The following CNTNAP2 variants were observed in gnomAD, a reference collection of about 807,000 sequenced individuals.
CNTNAP2 encodes the protein contactin associated protein 2, also known as contactin-associated protein-like 2.
Under a neutral mutation model 155.2 loss-of-function variants are expected in CNTNAP2, and 98 were observed. The ratio of observed to expected loss-of-function variants is 0.63; its 90% CI spans 0.54 to 0.75. The LOEUF is 0.75. CNTNAP2 is among the 30% of genes least tolerant of loss of function. The pLI is 0.00. For missense variants in CNTNAP2, 1,727 were observed against 1,688.1 expected (o/e 1.02, Z -0.40); for synonymous variants, 651 against 631.2 (o/e 1.03, Z -0.47).
At chr7:147,822,131 C>T (rs851658) in intron 13 of CNTNAP2, among the ~76,000 whole-genome samples, 1 of 151,936 alleles carries the variant, frequency 6.6e-6, no homozygotes, top group African/African-American at 2.4e-5. Context: ...TCTATGGAGT[C>T]GTGGGTAGAG....
chr7:148,211,344 T>C (rs1795546129), intron 18 of CNTNAP2, among the ~76,000 whole-genome samples: 1 of 152,142 alleles, frequency 6.6e-6, no homozygotes, highest in South Asian at 2.1e-4. Flanking sequence ...AAGCAAATAT[T>C]AAAGGGTTTA....
chr7:148,217,256 C>T lies in CNTNAP2; in HGVS notation c.3011-32C>T, dbSNP rs753899194. 4 of 1,610,752 alleles carry T rather than the reference C, an allele frequency of 2.5e-6. No individual in the cohort carries two copies. The African/African-American group carries it at 4.0e-5, about 16-fold the overall frequency. On this transcript the variant is annotated intron_variant, in intron 18 of 23. Transcript: ENST00000361727. ...AGGGTATCGGCATCAGACCTCTCCT[C>T]ATTTTTCAATTCTCTCTCTCCTTTA... is the stretch of plus-strand genomic sequence containing the variant.
At chr7:146,719,975 G>C (rs776298702) in intron 1 of CNTNAP2, among the ~76,000 whole-genome samples, 24 of 152,182 alleles carry the variant, frequency 1.6e-4, no homozygotes, top group Non-Finnish European at 2.4e-4. Flanking sequence ...GAATACATTG[G>C]ACTGAATACA....
At chr7:147,093,430 G>T (rs372360049) in intron 4 of CNTNAP2, among the ~76,000 whole-genome samples, 1 of 151,954 alleles carries the variant, frequency 6.6e-6, no homozygotes, top group Non-Finnish European at 1.5e-5. Context: ...TTGTGTAAAG[G>T]TAAATAAATG....
intron 15 of CNTNAP2, among the ~76,000 whole-genome samples, chr7:148,063,218 G>A (rs369780752): frequency 1.3e-5 from 2 of 152,006 alleles, no homozygotes; most frequent in African/African-American, 4.8e-5. Flanking sequence ...ATCTGTCATT[G>A]ATATGTTTGC....
At chr7:146,148,317 G>A (rs536121114) in intron 1 of CNTNAP2, among the ~76,000 whole-genome samples, 101 of 152,176 alleles carry the variant, frequency 6.6e-4, no homozygotes, top group Admixed American at 6.4e-3. Flanking sequence ...AGAGCAAGTC[G>A]TCTAGCATCA....
At chr7:147,348,446 A>C in intron 9 of CNTNAP2, among the ~76,000 whole-genome samples, 1 of 152,152 alleles carries the variant, frequency 6.6e-6, no homozygotes, top group Middle Eastern at 3.4e-3. Flanking sequence ...AATCACAATA[A>C]GTTATCGCAC....
At chr7:146,343,632 TAAA>T (rs957088781) in intron 1 of CNTNAP2, among the ~76,000 whole-genome samples, 1 of 152,194 alleles carries the variant, frequency 6.6e-6, no homozygotes. Context: ...AATATGCTAT[TAAA>T]AATATGAATT....
At chr7:146,305,545 TC>T (rs1397197242) in intron 1 of CNTNAP2, among the ~76,000 whole-genome samples, 5 of 152,034 alleles carry the variant, frequency 3.3e-5, no homozygotes, top group African/African-American at 4.8e-5. Context: ...GGAGGTCCAC[TC>T]CATACCCTAT....
chr7:147,471,733 G>A (rs1006833442), intron 10 of CNTNAP2, among the ~76,000 whole-genome samples: 1 of 152,178 alleles, frequency 6.6e-6, no homozygotes, highest in Non-Finnish European at 1.5e-5. Flanking sequence ...CTAGGCAAGG[G>A]ATAAAGTGTG....
intron 4 of CNTNAP2, among the ~76,000 whole-genome samples, chr7:147,077,555 A>G (rs1800021681): frequency 6.6e-6 from 1 of 152,166 alleles, no homozygotes; most frequent in African/African-American, 2.4e-5. Flanking sequence ...CCAGTCTTTT[A>G]CCACTCTTGT....
intron 15 of CNTNAP2, chr7:148,056,534 A>G (rs1803013975): frequency 6.6e-6 from 1 of 152,240 alleles, no homozygotes; most frequent in South Asian, 2.1e-4. Context: ...AATCCCAAGT[A>G]GGAGTGAACC....
At chr7:146,814,867 T>C (rs966812034) in intron 2 of CNTNAP2, among the ~76,000 whole-genome samples, 6 of 152,178 alleles carry the variant, frequency 3.9e-5, no homozygotes, top group Non-Finnish European at 7.3e-5. Context: ...GTCCTTGTTA[T>C]AGGAAAAATT....
chr7:147,874,776 A>G (rs1341889631), intron 13 of CNTNAP2, among the ~76,000 whole-genome samples: 1 of 152,110 alleles, frequency 6.6e-6, no homozygotes, highest in Non-Finnish European at 1.5e-5. Context: ...CAAATTTTCC[A>G]AACTTCTATG....
At chr7:147,675,917 A>AG (rs1358421146) in intron 13 of CNTNAP2, among the ~76,000 whole-genome samples, 1 of 152,222 alleles carries the variant, frequency 6.6e-6, no homozygotes, top group East Asian at 1.9e-4. Context: ...CCTTTTAAAA[A>AG]TAACGATATT....
intron 18 of CNTNAP2, among the ~76,000 whole-genome samples, chr7:148,201,923 G>A (rs1204261840): frequency 6.6e-6 from 1 of 151,792 alleles, no homozygotes; most frequent in South Asian, 2.1e-4. Flanking sequence ...ACAAATTGAC[G>A]CACACGGTTG....
chr7:147,839,145 T>TCTGC (rs1798681955), intron 13 of CNTNAP2, among the ~76,000 whole-genome samples: 1 of 152,170 alleles, frequency 6.6e-6, no homozygotes, highest in South Asian at 2.1e-4. Flanking sequence ...TCCACGTTCT[T>TCTGC]CTGCCTGCTT....
chr7:147,194,881 T>G (rs941465362), intron 8 of CNTNAP2, among the ~76,000 whole-genome samples: 9 of 152,228 alleles, frequency 5.9e-5, no homozygotes, highest in Non-Finnish European at 1.2e-4. Flanking sequence ...GCCTGTTCAC[T>G]TTGATGATAG....
intron 13 of CNTNAP2, among the ~76,000 whole-genome samples, chr7:147,640,494 A>T (rs1435763539): frequency 2.6e-5 from 4 of 152,174 alleles, no homozygotes; most frequent in Admixed American, 2.6e-4. Flanking sequence ...TTGATTTTTT[A>T]AAATCATGTT....
Sources: allele counts gnomAD v4.1 joint callset (sites outside exome capture counted in the v4.1 genomes callset), GRCh38; gene constraint gnomAD v4.1.1; transcripts MANE v1.5; gene names NCBI Gene and HGNC (gene_info 2026-07-23, HGNC 2026-07-21).